The following MAPK10 variants were observed in gnomAD, a reference collection of about 807,000 sequenced individuals.
The protein encoded by MAPK10 is mitogen-activated protein kinase 10.
In MAPK10, 25 loss-of-function variants were observed where a neutral mutation model predicts 59.3. That is an observed-to-expected ratio of 0.42 (90% CI 0.31 to 0.59). The LOEUF is 0.59. MAPK10 is among the 20% of genes least tolerant of loss of function. The pLI is 0.15. For synonymous variants in MAPK10, 190 were observed against 200.5 expected, an observed-to-expected ratio of 0.95 and a Z score of 0.44; for missense variants, 351 against 568.9, an observed-to-expected ratio of 0.62 and a Z score of 3.90.
intron 9 of MAPK10, among the ~76,000 whole-genome samples, chr4:86,068,718 A>G: frequency 6.6e-6 from 1 of 152,170 alleles, no homozygotes; most frequent in East Asian, 1.9e-4. Flanking sequence ...ATACCACAGA[A>G]AAAATATTAC....
chr4:86,058,894 T>C (rs2045172737), intron 11 of MAPK10, among the ~76,000 whole-genome samples: 2 of 152,150 alleles, frequency 1.3e-5, no homozygotes, highest in Non-Finnish European at 2.9e-5. Context: ...CTTCTCTCTT[T>C]CTTCTGATCC....
intron 9 of MAPK10, among the ~76,000 whole-genome samples, chr4:86,075,812 G>A (rs372730393): frequency 3.9e-5 from 6 of 152,080 alleles, no homozygotes; most frequent in South Asian, 4.1e-4. Flanking sequence ...TCAGACAGGG[G>A]CATTTAAGTC....
chr4:86,214,723 T>G (rs2086916946), intron 2 of MAPK10, among the ~76,000 whole-genome samples: 1 of 151,934 alleles, frequency 6.6e-6, no homozygotes, highest in African/African-American at 2.4e-5. Context: ...GAAAAACACT[T>G]GTACAATGAA....
intron 2 of MAPK10, among the ~76,000 whole-genome samples, chr4:86,237,489 C>T (rs982634684): frequency 4.6e-5 from 7 of 152,162 alleles, no homozygotes; most frequent in Admixed American, 4.6e-4. Flanking sequence ...AAAAGCGTTG[C>T]TATTTCTCCA....
intron 1 of MAPK10, among the ~76,000 whole-genome samples, chr4:86,370,355 CT>C (rs1213925388): frequency 6.6e-6 from 1 of 151,944 alleles, no homozygotes; most frequent in African/African-American, 2.4e-5. Flanking sequence ...GAGACATAGT[CT>C]TTCACAAGAA....
At chr4:86,388,152 G>A (rs1406694486) in intron 1 of MAPK10, among the ~76,000 whole-genome samples, 1 of 151,704 alleles carries the variant, frequency 6.6e-6, no homozygotes, top group Non-Finnish European at 1.5e-5. Flanking sequence ...GATGTAAGTT[G>A]TAATTTACTT....
chr4:86,325,212 A>G (rs181296709), intron 2 of MAPK10, among the ~76,000 whole-genome samples: 221 of 152,358 alleles, frequency 1.5e-3, no homozygotes, highest in Middle Eastern at 3.4e-3. Flanking sequence ...TAGATCACAG[A>G]GGAAGAAATG....
chr4:86,207,611 G>C (rs1244662109), intron 2 of MAPK10, among the ~76,000 whole-genome samples: 1 of 152,078 alleles, frequency 6.6e-6, no homozygotes, highest in Non-Finnish European at 1.5e-5. Flanking sequence ...GATGGGGATG[G>C]CATTGAATCT....
intron 2 of MAPK10, among the ~76,000 whole-genome samples, chr4:86,218,330 G>A (rs2088364890): frequency 6.6e-6 from 1 of 151,966 alleles, no homozygotes; most frequent in African/African-American, 2.4e-5. Flanking sequence ...ACAGGCGCCC[G>A]CCACCACGCC....
chr4:86,290,872 A>G (rs910913844), intron 2 of MAPK10, among the ~76,000 whole-genome samples: 1 of 152,208 alleles, frequency 6.6e-6, no homozygotes, highest in Non-Finnish European at 1.5e-5. Context: ...GGAAGCAGAT[A>G]CTTGCATATG....
chr4:86,507,226 G>C lies in MAPK10; in HGVS notation c.-263+86684C>G, dbSNP rs1755807105. On this transcript the variant is annotated intron_variant, in intron 1 of 4. Coordinates refer to the MAPK10 transcript ENST00000502302. Reference sequence around the variant, plus strand: ...ATAAGAGGCAAGCCCCAGAACAATAGATGAAATAGTCATTAAACATAAAAG... The same window carrying C: ...ATAAGAGGCAAGCCCCAGAACAATACATGAAATAGTCATTAAACATAAAAG... Among the ~76,000 whole-genome samples, 4 of 152,010 alleles carry C rather than the reference G, an allele frequency of 2.6e-5. 1 individual carries two copies. In the South Asian group the frequency reaches 8.3e-4, roughly 32 times the overall value.
Position 86,576,646 on chromosome 4 carries a change from T to C in MAPK10, c.-263+17264A>G, listed in dbSNP as rs561736461. On this transcript the variant is annotated intron_variant, in intron 1 of 4. Coordinates refer to the MAPK10 transcript ENST00000502302. ...AAAATTAGCCGGGCGCGGTGGCGGGTGCCTGTAGTCCCAGCTAACTTGGGA... is the reference window on the plus strand; with the variant it reads ...AAAATTAGCCGGGCGCGGTGGCGGGCGCCTGTAGTCCCAGCTAACTTGGGA... 8.9e-4 allele frequency among the ~76,000 whole-genome samples: 135 copies of C among 151,788 alleles called. 1 individual carries two copies. Among genetic ancestry groups the C allele is most frequent in the Middle Eastern group, 3.4e-3 (1 of 294 alleles).
chr4:86,501,114 GAAAAAAAA>G (rs11341561), intron 1 of MAPK10, among the ~76,000 whole-genome samples: 20 of 87,876 alleles, frequency 2.3e-4, no homozygotes, highest in African/African-American at 6.7e-4. Flanking sequence ...TCTACGATCT[GAAAAAAAA>G]AAAAAAAAAA....
intron 1 of MAPK10, among the ~76,000 whole-genome samples, chr4:86,421,790 C>T (rs1037120969): frequency 2.0e-5 from 3 of 152,138 alleles, no homozygotes; most frequent in South Asian, 2.1e-4. Context: ...TAAGTAGGAT[C>T]GTGCCGCTCC....
chr4:86,344,955 T>C (rs546466979), intron 2 of MAPK10, among the ~76,000 whole-genome samples: 1 of 152,320 alleles, frequency 6.6e-6, no homozygotes, highest in African/African-American at 2.4e-5. Context: ...TAAAGAATGA[T>C]GCAAACCTGG....
chr4:86,063,223 A>C (rs1192489717), intron 11 of MAPK10, among the ~76,000 whole-genome samples: 3 of 152,248 alleles, frequency 2.0e-5, no homozygotes, highest in African/African-American at 7.2e-5. Context: ...AGAATGAAGA[A>C]ATGAGAATTA....
At chr4:86,142,942 C>A (rs937894573) in intron 4 of MAPK10, among the ~76,000 whole-genome samples, 1 of 152,152 alleles carries the variant, frequency 6.6e-6, no homozygotes, top group African/African-American at 2.4e-5. Flanking sequence ...AAATATTCAA[C>A]TTCTAGGTCA....
At chr4:86,359,288 C>CTCTGTGTGTGTGTGTGTG (rs796310826) in intron 1 of MAPK10, among the ~76,000 whole-genome samples, 1 of 94,634 alleles carries the variant, frequency 1.1e-5, no homozygotes, top group African/African-American at 5.3e-5. Context: ...CTCTCTCTCT[C>CTCTGTGTGTGTGTGTGTG]TGTGTGTGTG....
At chr4:86,249,814 T>C (rs1422506671) in intron 2 of MAPK10, among the ~76,000 whole-genome samples, 1 of 152,190 alleles carries the variant, frequency 6.6e-6, no homozygotes, top group East Asian at 1.9e-4. Context: ...TAATGACAAC[T>C]GCAGTCAAGA....
Sources: gnomAD v4.1 joint callset for allele counts (sites outside exome capture counted in the v4.1 genomes callset) on GRCh38, gnomAD v4.1.1 for gene constraint, MANE v1.5 for transcripts, NCBI Gene and HGNC (gene_info 2026-07-23, HGNC 2026-07-21) for gene names.